Variants in RBMS2 observed in about 807,000 individuals in gnomAD.
RBMS2 encodes RNA binding motif single stranded interacting protein 2.
A neutral mutation model predicts 58.4 loss-of-function variants in RBMS2; 38 were observed. The ratio of observed to expected loss-of-function variants is 0.65; its 90% CI spans 0.50 to 0.85. The LOEUF (loss-of-function observed/expected upper bound fraction) is 0.85. Ranked by LOEUF, RBMS2 falls within the 40% of genes least tolerant of loss-of-function variation. RBMS2 has a pLI of 0.00. For missense variants in RBMS2, 367 were observed against 503.7 expected, an observed-to-expected ratio of 0.73 and a Z score of 2.60; for synonymous variants, 151 against 180.7, an observed-to-expected ratio of 0.84 and a Z score of 1.32.
Position 56,591,262 on chromosome 12 carries a change from G to T in RBMS2, c.*2129G>T, listed in dbSNP as rs1400004059. On this transcript the variant is annotated 3_prime_UTR_variant, in exon 14 of 14. Coordinates refer to ENST00000262031, the MANE Select transcript of RBMS2 (RefSeq NM_002898.4). ...GGAAGGGGGTGACAGCAGGGGAAAA[G>T]AAACTGTAGTATCAGTTGTCACAAG... is the stretch of plus-strand genomic sequence containing the variant. 6.6e-6 allele frequency: 1 copy of T among 152,178 alleles called. No individual in the cohort carries two copies. Among genetic ancestry groups the T allele is most frequent in the African/African-American group, 2.4e-5 (1 of 41,402 alleles). The allele number at this position is 152,178 out of a possible 1,614,324, so 9.4% of individuals were successfully genotyped here.
In RBMS2 at chr12:56,589,428, C is replaced by A; in HGVS notation, c.*295C>A. ...AAAGAAAGCTTTTTGTTTTTAACTGCAACGTACTTTTCCCCTACCTTGAAG... is the reference window on the plus strand; with the variant it reads ...AAAGAAAGCTTTTTGTTTTTAACTGAAACGTACTTTTCCCCTACCTTGAAG... On this transcript the variant is annotated 3_prime_UTR_variant, in exon 14 of 14. Transcript: ENST00000262031. 1 of 631,776 alleles carries A rather than the reference C, an allele frequency of 1.6e-6. No homozygotes were observed. The highest frequency in any genetic ancestry group is 2.2e-6 in the Non-Finnish European group (1 of 458,068). 39.1% of individuals were successfully genotyped at this position (631,776 alleles called of 1,614,324 possible). A position where few individuals can be genotyped will look rare whatever the true frequency, so the allele number is the denominator to read the frequency against.
chr12:56,563,800 A>T (rs898972918), intron 2 of RBMS2, among the ~76,000 whole-genome samples: 2 of 151,852 alleles, frequency 1.3e-5, no homozygotes. Flanking sequence ...AATATATATT[A>T]AAAAAAATTT....
At chr12:56,580,496 G>T (rs1406195574) in intron 5 of RBMS2, 3 of 236,958 alleles carry the variant, frequency 1.3e-5, no homozygotes, top group Non-Finnish European at 2.5e-5. Context: ...GCCTCCCAAA[G>T]TGCTGGGATT....
chr12:56,544,990 C>T (rs1410915778), intron 1 of RBMS2, among the ~76,000 whole-genome samples: 2 of 151,916 alleles, frequency 1.3e-5, no homozygotes, highest in East Asian at 3.9e-4. Flanking sequence ...GCAGTGATTT[C>T]TGAGATTTTA....
chr12:56,541,898 G>A (rs1876155187), intron 1 of RBMS2, among the ~76,000 whole-genome samples: 1 of 152,128 alleles, frequency 6.6e-6, no homozygotes, highest in African/African-American at 2.4e-5. Flanking sequence ...AGAAACATCT[G>A]GAGTAGGGAA....
chr12:56,522,078 A>G lies in RBMS2; in HGVS notation c.55A>G (p.Asn19Asp), dbSNP rs1287958482. ...PGISTFGYNR[N>D]NKKPYVSLAQ... ...GATTTCGACTTTTGGCTACAATAGA[A>G]ACAACAAGAAGGTAGGGAAAAGCGC... The change falls in exon 1 of 14, where the codon AAC becomes GAC. Residue 19 changes from asparagine to aspartate, a missense_variant. By Grantham distance (23) the Asn-to-Asp change is conservative. Transcript: ENST00000262031. 2 of 1,598,044 alleles carry G rather than the reference A, an allele frequency of 1.3e-6. No homozygotes were observed. Among genetic ancestry groups the G allele is most frequent in the Non-Finnish European group, 1.7e-6 (2 of 1,166,846 alleles).
chr12:56,567,695 G>C (rs184144040), intron 2 of RBMS2, among the ~76,000 whole-genome samples: 1 of 151,826 alleles, frequency 6.6e-6, no homozygotes, highest in African/African-American at 2.4e-5. Context: ...AAAATTAGCC[G>C]GACATTGTGG....
intron 4 of RBMS2, among the ~76,000 whole-genome samples, chr12:56,570,730 A>G (rs1237357306): frequency 6.6e-6 from 1 of 152,200 alleles, no homozygotes; most frequent in East Asian, 1.9e-4. Flanking sequence ...GGCACCCGCC[A>G]TCACCTCCAG....
chr12:56,556,590 G>A (rs1293266374), intron 1 of RBMS2, among the ~76,000 whole-genome samples: 1 of 151,994 alleles, frequency 6.6e-6, no homozygotes, highest in African/African-American at 2.4e-5. Context: ...TGGCCAGACT[G>A]GTCTTGAATT....
chr12:56,550,228 C>G (rs1878001518), intron 1 of RBMS2, among the ~76,000 whole-genome samples: 1 of 152,054 alleles, frequency 6.6e-6, no homozygotes. Context: ...CCAGGTTTCT[C>G]TTAAGAAAGG....
At chr12:56,581,806 T>C (rs1883987380) in intron 7 of RBMS2, 27 bp from the exon 8 acceptor site, 1 of 1,613,620 alleles carries the variant, frequency 6.2e-7, no homozygotes, top group South Asian at 1.1e-5. Context: ...GGGCTCACAA[T>C]GTGAACACTG....
chr12:56,553,437 T>A (rs1323980618), intron 1 of RBMS2, among the ~76,000 whole-genome samples: 2 of 152,082 alleles, frequency 1.3e-5, no homozygotes, highest in African/African-American at 4.8e-5. Flanking sequence ...TAAGCAATTC[T>A]CCTGCCTTAG....
chr12:56,549,961 G>A (rs1008019975), intron 1 of RBMS2, among the ~76,000 whole-genome samples: 22 of 152,012 alleles, frequency 1.4e-4, no homozygotes, highest in African/African-American at 5.3e-4. Flanking sequence ...AGGAGGCGGA[G>A]GTTACAGTGA....
chr12:56,595,508 C>T lies in RBMS2; in HGVS notation c.*6375C>T, dbSNP rs1051462274. 6.6e-6 allele frequency: 1 copy of T among 152,178 alleles called. No homozygotes were observed. The highest frequency in any genetic ancestry group is 2.4e-5 in the African/African-American group (1 of 41,438). 9.4% of individuals were successfully genotyped at this position (152,178 alleles called of 1,614,324 possible). On this transcript the variant is annotated 3_prime_UTR_variant, in exon 14 of 14. Coordinates refer to ENST00000262031, the MANE Select transcript of RBMS2 (RefSeq NM_002898.4). ...TAAAACTTACACTCCTTTTCTACCC[C>T]TGGTCTTTTCCTTGTCCTTCCCTAC...
At chr12:56,585,084 A>C (rs1439900311) in intron 9 of RBMS2, among the ~76,000 whole-genome samples, 1 of 152,062 alleles carries the variant, frequency 6.6e-6, no homozygotes, top group Non-Finnish European at 1.5e-5. Flanking sequence ...CGGCCTCCCA[A>C]AGTGTTGGGA....
At chr12:56,527,752 A>ACC (rs879297308) in intron 1 of RBMS2, 1 of 44,200 alleles carries the variant, frequency 2.3e-5, no homozygotes, top group Non-Finnish European at 4.5e-5. Context: ...ATCCCCCGCC[A>ACC]CCCCCCCACC....
intron 10 of RBMS2, 57 bp downstream of exon 10, chr12:56,586,983 T>A: frequency 6.5e-7 from 1 of 1,539,398 alleles, no homozygotes; most frequent in Non-Finnish European, 9.0e-7. Flanking sequence ...AAGAAAAAAC[T>A]GGCTGGGCAC....
chr12:56,555,421 CAA>C (rs967267003), intron 1 of RBMS2, among the ~76,000 whole-genome samples: 1 of 129,812 alleles, frequency 7.7e-6, no homozygotes, highest in Non-Finnish European at 1.6e-5. Flanking sequence ...GCCTGGGCAA[CAA>C]GAGCAAAACT....
chr12:56,586,331 CA>C (rs1300797771), intron 9 of RBMS2, among the ~76,000 whole-genome samples: 86 of 132,504 alleles, frequency 6.5e-4, no homozygotes, highest in Non-Finnish European at 4.7e-4. Flanking sequence ...GATCCTGTCT[CA>C]AAAAAAAAAA....
Sources: gnomAD v4.1 joint callset for allele counts (sites outside exome capture counted in the v4.1 genomes callset) on GRCh38, gnomAD v4.1.1 for gene constraint, MANE v1.5 for transcripts, NCBI Gene and HGNC (gene_info 2026-07-23, HGNC 2026-07-21) for gene names.